Variants in ZNF106 observed in about 807,000 individuals in gnomAD.
ZNF106 encodes the protein SH3-domain binding protein 3.
ZNF106 carries 67 observed loss-of-function variants against 195.1 expected under a neutral mutation model. The ratio of observed to expected loss-of-function variants is 0.34; its 90% CI spans 0.28 to 0.42. The LOEUF (loss-of-function observed/expected upper bound fraction) is 0.42. ZNF106 is among the 10% of genes least tolerant of loss of function. The probability of loss-of-function intolerance (pLI) is 1.00; values close to 1 mark genes in which losing one functional copy is unlikely to be tolerated. For missense variants in ZNF106, 2,118 were observed against 2,304.5 expected (o/e 0.92, Z 1.66); for synonymous variants, 784 against 818.6 (o/e 0.96, Z 0.72).
intron 2 of ZNF106, among the ~76,000 whole-genome samples, chr15:42,468,575 T>C (rs1201064481): frequency 6.6e-6 from 1 of 150,662 alleles, no homozygotes; most frequent in African/African-American, 2.4e-5. Context: ...ATACCCCGTC[T>C]CTACTAAAAG....
At chr15:42,432,074 G>A (rs1325611215) in intron 14 of ZNF106, among the ~76,000 whole-genome samples, 1 of 152,046 alleles carries the variant, frequency 6.6e-6, no homozygotes, top group Non-Finnish European at 1.5e-5. Context: ...CTGTTATTAG[G>A]TACCTGTACT....
intron 13 of ZNF106, 44 bp downstream of exon 13, chr15:42,437,188 C>A: frequency 1.3e-6 from 2 of 1,574,344 alleles, no homozygotes; most frequent in East Asian, 2.3e-5. Context: ...CTGGATTTTC[C>A]AAAACCTGCA....
At position 42,417,250 on chromosome 15, in the gene ZNF106, G is replaced by A. The variant is rs917666654; in HGVS notation, c.*54C>T. ...GGGAAGAGAGTGGCCTGTGTGGGGG[G>A]CCAATGTGAAAATAGTTCAACTAAT... On this transcript the variant is annotated 3_prime_UTR_variant, in exon 22 of 22. Transcript: ENST00000564754. 8.8e-6 allele frequency: 14 copies of A among 1,590,910 alleles called. No individual in the cohort carries two copies. The Admixed American group carries it at 1.8e-4, about 21-fold the overall frequency.
intron 1 of ZNF106, among the ~76,000 whole-genome samples, chr15:42,475,421 G>A (rs1414312304): frequency 1.3e-5 from 2 of 152,058 alleles, no homozygotes; most frequent in South Asian, 2.1e-4. Context: ...TAGCCTGGGC[G>A]ACACAGCGAG....
chr15:42,422,079 C>T, intron 18 of ZNF106, 91 bp from the exon 19 acceptor site: 1 of 1,091,524 alleles, frequency 9.2e-7, no homozygotes. Context: ...GGTTTAAAAC[C>T]ACACCTGAGG....
chr15:42,421,776 G>C, intron 19 of ZNF106, 141 bp downstream of exon 19: 1 of 552,086 alleles, frequency 1.8e-6, no homozygotes, highest in Non-Finnish European at 3.0e-6. Context: ...CTGTCCCCTG[G>C]TTACTTCCCT....
At chr15:42,436,500 C>T (rs1378227165) in intron 13 of ZNF106, among the ~76,000 whole-genome samples, 1 of 152,164 alleles carries the variant, frequency 6.6e-6, no homozygotes, top group African/African-American at 2.4e-5. Context: ...GGTCCATCAT[C>T]TAACTTTTTA....
chr15:42,448,692 T>C lies in ZNF106; in HGVS notation c.2515A>G (p.Met839Val). Reference sequence around the variant, plus strand: ...TGTTCATTTTGAACAAGGGGTACCATTTCTATGCCAAACCTTAAGGAAGAA... The same window carrying C: ...TGTTCATTTTGAACAAGGGGTACCACTTCTATGCCAAACCTTAAGGAAGAA... ...GKGLPRFGIE[M>V]VPLVQNEQEA... The change falls in exon 6 of 22, where the codon ATG becomes GTG. Residue 839 changes from methionine to valine, a missense_variant. By Grantham distance (21) the Met-to-Val change is conservative (BLOSUM62 1). Coordinates refer to ENST00000564754, the MANE Select transcript of ZNF106 (RefSeq NM_001366845.3). The C allele has an allele frequency of 6.3e-7, 1 of 1,599,084 alleles. No homozygotes were observed. Among genetic ancestry groups the C allele is most frequent in the Non-Finnish European group, 8.5e-7 (1 of 1,176,008 alleles).
chr15:42,417,496 C>A, intron 21 of ZNF106, 136 bp from the exon 22 acceptor site: 1 of 997,980 alleles, frequency 1.0e-6, no homozygotes, highest in Non-Finnish European at 1.5e-6. Flanking sequence ...CAGCACTTTG[C>A]TAACTTACGT....
intron 1 of ZNF106, among the ~76,000 whole-genome samples, chr15:42,475,435 C>G (rs1177495903): frequency 6.6e-6 from 1 of 151,706 alleles, no homozygotes; most frequent in Non-Finnish European, 1.5e-5. Flanking sequence ...CAGCGAGACT[C>G]TGTCTCAAAA....
chr15:42,435,685 T>G (rs115457123), intron 13 of ZNF106, among the ~76,000 whole-genome samples, 167 bp from the exon 14 acceptor site: 2,185 of 152,254 alleles, frequency 0.014, 54 homozygotes, highest in African/African-American at 0.05. Context: ...GTTCACCAAG[T>G]GCCTAGCAAA....
intron 1 of ZNF106, among the ~76,000 whole-genome samples, chr15:42,482,285 G>A (rs1392275385): frequency 6.6e-6 from 1 of 151,814 alleles, no homozygotes; most frequent in Non-Finnish European, 1.5e-5. Context: ...GCATTTTAAG[G>A]TCACTCTCTA....
chr15:42,440,480 CA>C (rs1262629397), intron 10 of ZNF106, among the ~76,000 whole-genome samples: 2 of 151,930 alleles, frequency 1.3e-5, no homozygotes, highest in African/African-American at 4.8e-5. Context: ...ATTATTTTTA[CA>C]ACAGAAAAAT....
At chr15:42,422,128 T>G in intron 18 of ZNF106, 140 bp from the exon 19 acceptor site, 1 of 627,862 alleles carries the variant, frequency 1.6e-6, no homozygotes, top group Non-Finnish European at 2.5e-6. Flanking sequence ...AACAGAAATA[T>G]AATCTAATGG....
chr15:42,456,963 T>G lies in ZNF106; in HGVS notation c.312A>C (p.Gln104His). Residue 104 changes from glutamine (Q) to histidine (H), a missense_variant, in exon 4 of 22, where the codon CAA becomes CAC. By Grantham distance (24) the Gln-to-His change is conservative (BLOSUM62 0). Transcript: ENST00000564754. ...TTAAAAAATCAATTACTTACCGACT[T>G]TGTTCTTTCCTTTGTTTTATTAACT... ...LIQLIKQRKE[Q>H]SRQDEPSNSN... 1 of 1,612,486 alleles carries G rather than the reference T, an allele frequency of 6.2e-7. No individual in the cohort carries two copies. Among genetic ancestry groups the G allele is most frequent in the Non-Finnish European group, 8.5e-7 (1 of 1,179,230 alleles).
Position 42,418,989 on chromosome 15 carries a change from G to C in ZNF106, c.5518-1038C>G, listed in dbSNP as rs186334337. Among the ~76,000 whole-genome samples, 28 of 151,302 alleles carry C rather than the reference G, an allele frequency of 1.9e-4. No individual in the cohort carries two copies. The East Asian group carries it at 5.4e-3, about 29-fold the overall frequency. ...CCCTGTAATCCCAGCACTTTGGGAG[G>C]CCGAGGTGGGTGGTTCACTTCAGCC... On this transcript the variant is annotated intron_variant, in intron 20 of 21. Transcript: ENST00000564754.
At chr15:42,475,441 C>CA (rs1257739323) in intron 1 of ZNF106, among the ~76,000 whole-genome samples, 1 of 151,190 alleles carries the variant, frequency 6.6e-6, no homozygotes, top group Non-Finnish European at 1.5e-5. Flanking sequence ...GACTCTGTCT[C>CA]AAAAAATAAA....
At chr15:42,440,998 AATATATATATATATATATATATAT>A (rs56924955) in intron 10 of ZNF106, among the ~76,000 whole-genome samples, 530 of 23,588 alleles carry the variant, frequency 0.022, 40 homozygotes, top group Middle Eastern at 0.028. Context: ...AAAAAAAAAA[AATATATATATATATATATATATAT>A]ATATATATAT....
In ZNF106 at chr15:42,444,054, G is replaced by C. The variant is rs533795437; in HGVS notation, c.3421+148C>G. The C allele has an allele frequency of 5.4e-5, 29 of 533,234 alleles. No homozygotes were observed. In the East Asian group the frequency reaches 9.3e-4, roughly 17 times the overall value. 33.0% of individuals were successfully genotyped at this position (533,234 alleles called of 1,614,324 possible). On this transcript the variant is annotated intron_variant, in intron 9 of 21. Coordinates refer to ENST00000564754, the MANE Select transcript of ZNF106 (RefSeq NM_001366845.3). ...TTGAACCTGGGAGGCAGAGGTTGCAGTGAGCAGAGATTGCACCACTGCACT... is the reference window on the plus strand; with the variant it reads ...TTGAACCTGGGAGGCAGAGGTTGCACTGAGCAGAGATTGCACCACTGCACT...
Sources: allele counts gnomAD v4.1 joint callset (sites outside exome capture counted in the v4.1 genomes callset), GRCh38; gene constraint gnomAD v4.1.1; transcripts MANE v1.5; gene names NCBI Gene and HGNC (gene_info 2026-07-23, HGNC 2026-07-21).